The following FRK variants were observed in gnomAD, a reference collection of about 807,000 sequenced individuals.
FRK encodes the protein tyrosine-protein kinase FRK.
Under a neutral mutation model 56.4 loss-of-function variants are expected in FRK, and 51 were observed. The ratio of observed to expected loss-of-function variants is 0.90; its 90% CI spans 0.72 to 1.14. The LOEUF is 1.14. FRK is among the 50% of genes most tolerant of loss of function. FRK has a pLI of 0.00. For synonymous variants in FRK, 245 were observed against 217.9 expected (o/e 1.12, Z -1.10); for missense variants, 570 against 601.4 (o/e 0.95, Z 0.55).
intron 1 of FRK, among the ~76,000 whole-genome samples, chr6:116,010,077 T>A (rs577813201): frequency 6.6e-6 from 1 of 151,802 alleles, no homozygotes; most frequent in South Asian, 2.1e-4. Flanking sequence ...AATACAAAAA[T>A]AGCCAGGCGT....
At chr6:116,072,564 C>CACACACAA in the FRK span, among the ~76,000 whole-genome samples, 2,684 of 149,614 alleles carry the variant, frequency 0.018, 27 homozygotes, top group South Asian at 0.036. Context: ...CACACACACA[C>CACACACAA]AAGATACCTT....
chr6:115,983,852 T>A (rs535692855), intron 2 of FRK, among the ~76,000 whole-genome samples: 1 of 152,246 alleles, frequency 6.6e-6, no homozygotes, highest in Admixed American at 6.5e-5. Flanking sequence ...AATCTGACCT[T>A]GTTACTGTCC....
chr6:115,936,965 A>T lies in FRK; in HGVS notation c.*5449T>A, dbSNP rs1361768956. On this transcript the variant is annotated 3_prime_UTR_variant, in exon 8 of 8. Coordinates refer to ENST00000606080, the MANE Select transcript of FRK (RefSeq NM_002031.3). ...GACAGGTCAACATTCAAATTAAGGA[A>T]ATACAGAGAACGCCACAAAGATACT... The T allele has an allele frequency of 3.9e-5, 6 of 152,206 alleles. No homozygotes were observed. Among genetic ancestry groups the T allele is most frequent in the Admixed American group, 6.5e-5 (1 of 15,278 alleles). 9.4% of individuals were successfully genotyped at this position (152,206 alleles called of 1,614,324 possible).
chr6:116,042,573 C>T (rs972703806), intron 1 of FRK, among the ~76,000 whole-genome samples: 5 of 152,168 alleles, frequency 3.3e-5, no homozygotes, highest in Non-Finnish European at 7.3e-5. Flanking sequence ...CTTACAAGAG[C>T]TCCTGAAGGA....
intron 1 of FRK, among the ~76,000 whole-genome samples, chr6:116,021,976 A>C (rs564294909): frequency 6.6e-6 from 1 of 152,120 alleles, no homozygotes; most frequent in South Asian, 2.1e-4. Context: ...TATCAATATC[A>C]GCAATTAAAG....
chr6:116,055,697 C>T (rs537478806), intron 1 of FRK, among the ~76,000 whole-genome samples: 11 of 152,300 alleles, frequency 7.2e-5, no homozygotes, highest in African/African-American at 2.6e-4. Context: ...AATACTAATT[C>T]CTCTGCCTTT....
chr6:116,030,098 G>T (rs1376833560), intron 1 of FRK, among the ~76,000 whole-genome samples: 1 of 152,048 alleles, frequency 6.6e-6, no homozygotes, highest in East Asian at 1.9e-4. Context: ...ATCCATATTT[G>T]TGTGGTACAG....
At chr6:115,996,830 C>A (rs1208713627) in intron 2 of FRK, among the ~76,000 whole-genome samples, 1 of 152,100 alleles carries the variant, frequency 6.6e-6, no homozygotes, top group Admixed American at 6.6e-5. Flanking sequence ...ATGAAAAAGC[C>A]ACTCAAATTT....
At chr6:115,981,408 T>C (rs955356495) in intron 2 of FRK, among the ~76,000 whole-genome samples, 2 of 152,124 alleles carry the variant, frequency 1.3e-5, no homozygotes, top group Non-Finnish European at 1.5e-5. Context: ...AGTCTAGCCA[T>C]ATGAGTGATA....
the FRK span, among the ~76,000 whole-genome samples, chr6:116,070,329 A>G: frequency 2.0e-5 from 3 of 152,098 alleles, no homozygotes; most frequent in Non-Finnish European, 4.4e-5. Flanking sequence ...GGGGGGCTGC[A>G]TGGGTAAAGA....
At chr6:115,997,125 C>A (rs1425902627) in intron 2 of FRK, among the ~76,000 whole-genome samples, 1 of 152,134 alleles carries the variant, frequency 6.6e-6, no homozygotes, top group East Asian at 1.9e-4. Context: ...TAAGGGATAT[C>A]AAATAATTAT....
intron 1 of FRK, among the ~76,000 whole-genome samples, chr6:116,030,949 CTTTA>C (rs1776285822): frequency 1.3e-5 from 2 of 152,178 alleles, no homozygotes; most frequent in Admixed American, 1.3e-4. Context: ...CAGTAGGATC[CTTTA>C]CAAACATATT....
At chr6:116,031,172 A>G (rs1038521986) in intron 1 of FRK, among the ~76,000 whole-genome samples, 1 of 152,134 alleles carries the variant, frequency 6.6e-6, no homozygotes, top group African/African-American at 2.4e-5. Context: ...ATTATGATTA[A>G]TTCACTGACA....
At chr6:116,021,003 C>T (rs1029642367) in intron 1 of FRK, among the ~76,000 whole-genome samples, 1 of 152,048 alleles carries the variant, frequency 6.6e-6, no homozygotes, top group Non-Finnish European at 1.5e-5. Context: ...AATAAAAGTT[C>T]AGTGGTTTCA....
the FRK span, among the ~76,000 whole-genome samples, chr6:116,092,680 T>G: frequency 6.6e-6 from 1 of 152,146 alleles, no homozygotes; most frequent in African/African-American, 2.4e-5. Flanking sequence ...CCAGGGACCG[T>G]TGTGGGTTCT....
intron 2 of FRK, among the ~76,000 whole-genome samples, chr6:115,990,380 G>C (rs1774551239): frequency 6.6e-6 from 1 of 151,730 alleles, no homozygotes; most frequent in African/African-American, 2.4e-5. Flanking sequence ...TATTTTCCTA[G>C]GTTTTCCTAT....
At chr6:116,000,147 G>T (rs1774997651) in intron 2 of FRK, among the ~76,000 whole-genome samples, 1 of 149,146 alleles carries the variant, frequency 6.7e-6, no homozygotes, top group African/African-American at 2.5e-5. Context: ...AGTCACTGTA[G>T]CCTGGCCATT....
At chr6:116,059,894 G>T in intron 1 of FRK, 74 bp downstream of exon 1, 1 of 1,272,196 alleles carries the variant, frequency 7.9e-7, no homozygotes, top group East Asian at 2.3e-5. Flanking sequence ...GGGGGTTGTA[G>T]AGAAGTAGAA....
chr6:116,004,772 C>A (rs1463016883), intron 1 of FRK, among the ~76,000 whole-genome samples: 1 of 152,094 alleles, frequency 6.6e-6, no homozygotes, highest in Non-Finnish European at 1.5e-5. Context: ...AATATCAAAG[C>A]CACTGTCAAA....
Sources: allele counts gnomAD v4.1 joint callset (sites outside exome capture counted in the v4.1 genomes callset), GRCh38; gene constraint gnomAD v4.1.1; transcripts MANE v1.5; gene names NCBI Gene and HGNC (gene_info 2026-07-23, HGNC 2026-07-21).